Variants in COL4A2 observed in about 807,000 individuals in gnomAD.
COL4A2 encodes collagen type IV alpha 2 chain.
In COL4A2, 99 loss-of-function variants were observed where a neutral mutation model predicts 200.2. The observed-to-expected ratio is 0.49, with a 90% CI of 0.42 to 0.58. The LOEUF (loss-of-function observed/expected upper bound fraction) is 0.58. Among genes scored for constraint, COL4A2 ranks in the 20% least tolerant of loss-of-function variants. The pLI is 0.00. For synonymous variants in COL4A2, 897 were observed against 900.6 expected (o/e 1.00, Z 0.07); for missense variants, 1,950 against 2,314.1 (o/e 0.84, Z 3.23).
intron 3 of COL4A2, among the ~76,000 whole-genome samples, chr13:110,355,386 G>GT (rs1877164352): frequency 3.2e-5 from 2 of 61,682 alleles, no homozygotes; most frequent in Admixed American, 1.5e-4. Context: ...CACCTGTGTG[G>GT]GGGGAGGGCT....
intron 4 of COL4A2, among the ~76,000 whole-genome samples, chr13:110,400,758 G>C (rs1015224026): frequency 5.9e-5 from 9 of 152,152 alleles, no homozygotes; most frequent in African/African-American, 2.2e-4. Context: ...GATGGACCTA[G>C]ATTTCTGCTT....
At chr13:110,505,841 C>T (rs1329845726) in intron 45 of COL4A2, among the ~76,000 whole-genome samples, 4 of 152,174 alleles carry the variant, frequency 2.6e-5, no homozygotes, top group African/African-American at 7.2e-5. Context: ...GATACTCCTC[C>T]GGACACTTCC....
At chr13:110,410,645 G>A (rs188629806) in intron 4 of COL4A2, among the ~76,000 whole-genome samples, 10 of 152,176 alleles carry the variant, frequency 6.6e-5, no homozygotes, top group Admixed American at 2.0e-4. Flanking sequence ...TTTTCTTCAC[G>A]ACAAAATATG....
intron 29 of COL4A2, among the ~76,000 whole-genome samples, chr13:110,474,553 T>C (rs1301255495): frequency 8.0e-6 from 1 of 125,256 alleles, no homozygotes; most frequent in Non-Finnish European, 1.8e-5. Flanking sequence ...AGTGCATGCA[T>C]GCACACACAC....
At chr13:110,429,399 G>A (rs540258608) in intron 7 of COL4A2, 1 of 153,778 alleles carries the variant, frequency 6.5e-6, no homozygotes, top group Non-Finnish European at 1.4e-5. Context: ...GATTCTTATA[G>A]TAGATGTTGA....
At chr13:110,321,131 C>T (rs921910488) in intron 3 of COL4A2, among the ~76,000 whole-genome samples, 7 of 151,796 alleles carry the variant, frequency 4.6e-5, no homozygotes, top group Admixed American at 3.3e-4. Flanking sequence ...GATAATCTTA[C>T]TAATGTCACA....
At chr13:110,330,763 T>G (rs1243155414) in intron 3 of COL4A2, among the ~76,000 whole-genome samples, 1 of 152,090 alleles carries the variant, frequency 6.6e-6, no homozygotes, top group African/African-American at 2.4e-5. Flanking sequence ...GACCTCCTAC[T>G]AGATACTTTT....
chr13:110,420,548 T>C (rs759820467), intron 4 of COL4A2, among the ~76,000 whole-genome samples: 8 of 152,214 alleles, frequency 5.3e-5, no homozygotes, highest in Non-Finnish European at 1.2e-4. Flanking sequence ...TAGGAGCTTT[T>C]GAGATTTATG....
At chr13:110,351,964 G>A (rs1006671048) in intron 3 of COL4A2, among the ~76,000 whole-genome samples, 2 of 152,182 alleles carry the variant, frequency 1.3e-5, no homozygotes, top group South Asian at 4.1e-4. Flanking sequence ...ACTGAAAAGC[G>A]GCACTAGATT....
intron 34 of COL4A2, among the ~76,000 whole-genome samples, chr13:110,487,312 G>C (rs1319143452): frequency 6.6e-6 from 1 of 152,240 alleles, no homozygotes; most frequent in Non-Finnish European, 1.5e-5. Context: ...AATTAACCGG[G>C]TTTGGTGCTG....
chr13:110,493,063 GATGAGTGACACCCCCATGGGTGAAA>G, intron 38 of COL4A2, 123 bp from the exon 39 acceptor site: 5 of 501,450 alleles, frequency 1.0e-5, no homozygotes, highest in South Asian at 8.7e-5. Flanking sequence ...GTGAAATAAC[GATGAGTGACACCCCCATGGGTGAAA>G]TAACGATGAG....
chr13:110,386,294 TC>T (rs138407286), intron 4 of COL4A2, among the ~76,000 whole-genome samples: 14,074 of 152,172 alleles, frequency 0.092, 1,021 homozygotes, highest in East Asian at 0.35. Flanking sequence ...GTGTAAAAAA[TC>T]CTCCAAGGTT....
At chr13:110,437,864 C>T in intron 13 of COL4A2, 138 bp from the exon 14 acceptor site, 5 of 747,022 alleles carry the variant, frequency 6.7e-6, no homozygotes, top group Non-Finnish European at 1.2e-5. Context: ...ATTTAAGAGT[C>T]ATGTGTTGTA....
At chr13:110,393,621 G>A (rs1161343697) in intron 4 of COL4A2, among the ~76,000 whole-genome samples, 1 of 150,712 alleles carries the variant, frequency 6.6e-6, no homozygotes, top group Non-Finnish European at 1.5e-5. Context: ...GCTCACACCT[G>A]TAATCCCACC....
chr13:110,430,635 C>T lies in COL4A2; in HGVS notation c.648+28C>T, dbSNP rs74124320. On this transcript the variant is annotated intron_variant, in intron 10 of 47. Coordinates refer to ENST00000360467, the MANE Select transcript of COL4A2 (RefSeq NM_001846.4). The stretch of plus-strand genomic sequence containing the variant: ...AAGTACCTGGACACAGGTGCCCACT[C>T]TGGGACCATCGTCCGGTCATCCCTT... 8,418 of 1,614,020 alleles carry T rather than the reference C, an allele frequency of 5.2e-3. 387 individuals carry two copies. In the African/African-American group the frequency reaches 0.097, roughly 19 times the overall value.
chr13:110,439,849 G>A lies in COL4A2; in HGVS notation c.957+16G>A, dbSNP rs1322118385. On this transcript the variant is annotated intron_variant, in intron 16 of 47. Transcript: ENST00000360467. The stretch of plus-strand genomic sequence containing the variant: ...AGGACAGAAGGTAAGTTGGATGCAT[G>A]AACTGCAGTCTGCTCTGGGCCCACG... 6.2e-7 allele frequency: 1 copy of A among 1,613,696 alleles called. No homozygotes were observed. Among genetic ancestry groups the A allele is most frequent in the Non-Finnish European group, 8.5e-7 (1 of 1,179,944 alleles).
chr13:110,341,249 A>G (rs1287223544), intron 3 of COL4A2, among the ~76,000 whole-genome samples: 1 of 152,196 alleles, frequency 6.6e-6, no homozygotes, highest in Non-Finnish European at 1.5e-5. Context: ...TGTCAGACCA[A>G]CACCGCCCTG....
intron 4 of COL4A2, among the ~76,000 whole-genome samples, chr13:110,399,076 T>G (rs1187553193): frequency 6.6e-6 from 1 of 152,198 alleles, no homozygotes. Flanking sequence ...CCCAGTATTC[T>G]GGTAACTATT....
chr13:110,511,905 A>G, intron 47 of COL4A2, 29 bp from the exon 48 acceptor site: 1 of 1,612,854 alleles, frequency 6.2e-7, no homozygotes, highest in Non-Finnish European at 8.5e-7. Flanking sequence ...TGTGATTCCT[A>G]ACCCTGTCCT....
Sources: allele counts gnomAD v4.1 joint callset (sites outside exome capture counted in the v4.1 genomes callset), GRCh38; gene constraint gnomAD v4.1.1; transcripts MANE v1.5; gene names NCBI Gene and HGNC (gene_info 2026-07-23, HGNC 2026-07-21).